The following ARHGEF11 variants were observed in gnomAD, a reference collection of about 807,000 sequenced individuals.
ARHGEF11 encodes the protein Rho guanine nucleotide exchange factor 11.
ARHGEF11 carries 55 observed loss-of-function variants against 193.7 expected under a neutral mutation model. The observed-to-expected ratio is 0.28, with a 90% CI of 0.23 to 0.36. ARHGEF11 has a LOEUF of 0.36. ARHGEF11 is among the 10% of genes least tolerant of loss of function. ARHGEF11 has a pLI of 1.00. For missense variants in ARHGEF11, 1,723 were observed against 2,005.6 expected, an observed-to-expected ratio of 0.86 and a Z score of 2.69; for synonymous variants, 693 against 768.0, an observed-to-expected ratio of 0.90 and a Z score of 1.62.
chr1:156,939,339 A>G (rs1240187084), intron 37 of ARHGEF11: 9 of 644,444 alleles, frequency 1.4e-5, no homozygotes, highest in Non-Finnish European at 2.1e-5. Context: ...CCACACAGAT[A>G]TTAAGTGGCA....
intron 7 of ARHGEF11, among the ~76,000 whole-genome samples, chr1:156,972,896 T>G (rs1225558192): frequency 6.6e-6 from 1 of 152,218 alleles, no homozygotes; most frequent in Non-Finnish European, 1.5e-5. Context: ...GTCTCCTTTT[T>G]CCAATGGCTC....
rs1288624285 is a variant in ARHGEF11, at chr1:156,971,689, T to A, written c.702+8A>T. ...TGCCCTTACTAGAGCTGTGCCTACA[T>A]CACTCACCACTGAGCCACCAGTCTC... On this transcript the variant is annotated splice_region_variant and intron_variant, in intron 8 of 40. Transcript: ENST00000368194. 6.2e-7 allele frequency: 1 copy of A among 1,613,300 alleles called. No individual in the cohort carries two copies. Among genetic ancestry groups the A allele is most frequent in the South Asian group, 1.1e-5 (1 of 90,980 alleles).
intron 1 of ARHGEF11, among the ~76,000 whole-genome samples, chr1:156,991,449 A>G (rs1665682289): frequency 6.6e-6 from 1 of 151,984 alleles, no homozygotes; most frequent in African/African-American, 2.4e-5. Flanking sequence ...CCTCCCAAGT[A>G]GCTGGGATTA....
intron 1 of ARHGEF11, among the ~76,000 whole-genome samples, chr1:157,037,262 T>TGA (rs1672159644): frequency 6.6e-6 from 1 of 152,208 alleles, no homozygotes; most frequent in Non-Finnish European, 1.5e-5. Context: ...GCTCGTTATC[T>TGA]TTTCCTAAGA....
intron 8 of ARHGEF11, 107 bp from the exon 9 acceptor site, chr1:156,970,150 G>A (rs1021413947): frequency 1.1e-5 from 10 of 905,908 alleles, no homozygotes; most frequent in East Asian, 2.4e-5. Flanking sequence ...GGCCTCTTCC[G>A]CTTCATTGCC....
At chr1:156,965,000 A>C (rs1363627392) in intron 11 of ARHGEF11, among the ~76,000 whole-genome samples, 3 of 152,254 alleles carry the variant, frequency 2.0e-5, no homozygotes, top group Admixed American at 6.5e-5. Flanking sequence ...CAAATGTTAT[A>C]GAATGACATA....
intron 25 of ARHGEF11, 146 bp from the exon 26 acceptor site, chr1:156,947,596 T>C (rs1174135298): frequency 3.7e-6 from 5 of 1,343,428 alleles, no homozygotes; most frequent in East Asian, 2.5e-5. Flanking sequence ...ACTTTTCTCT[T>C]ACTCCAAGGG....
At position 156,940,230 on chromosome 1, in the gene ARHGEF11, A is replaced by C. The variant is rs1385802093; in HGVS notation, c.3710T>G (p.Leu1237Arg). 1 of 1,595,682 alleles carries C rather than the reference A, an allele frequency of 6.3e-7. No homozygotes were observed. Among genetic ancestry groups the C allele is most frequent in the Non-Finnish European group, 8.6e-7 (1 of 1,167,944 alleles). The change falls in exon 36 of 41, where the codon CTC becomes CGC. Residue 1237 changes from leucine to arginine, a missense_variant. This residue lies in a region of ARHGEF11 where 203 missense variants were observed against 237.3 expected (regional missense o/e 0.86). Coordinates refer to ENST00000368194, the MANE Select transcript of ARHGEF11 (RefSeq NM_198236.3). ...ACCATCTTCCAGAGCGGAGTCAGCG[A>C]GCCCTTCCATGAACAGAGGGCCTGG... ...AFPGPLFMEG[L>R]ADSALEDVEN...
chr1:156,946,429 G>A (rs139628382), intron 28 of ARHGEF11, among the ~76,000 whole-genome samples: 35 of 152,350 alleles, frequency 2.3e-4, no homozygotes, highest in Non-Finnish European at 4.4e-4. Context: ...ATCCATCTCA[G>A]GACACACAGG....
chr1:156,963,259 C>G lies in ARHGEF11; in HGVS notation c.1084G>C (p.Ala362Pro). 1 of 1,614,184 alleles carries G rather than the reference C, an allele frequency of 6.2e-7. No homozygotes were observed. The highest frequency in any genetic ancestry group is 8.5e-7 in the Non-Finnish European group (1 of 1,180,038). The change falls in exon 13 of 41, where the codon GCT (alanine) becomes CCT (proline). Residue 362 changes from alanine (A) to proline (P), a missense_variant. By Grantham distance (27) the Ala-to-Pro change is conservative. Coordinates refer to ENST00000368194, the MANE Select transcript of ARHGEF11 (RefSeq NM_198236.3). ...TAACGTAGAAAAACCCCCAGGTGAGCTGGCCGAGACTTCAGTTTCTCCAGA... is the reference window on the plus strand; with the variant it reads ...TAACGTAGAAAAACCCCCAGGTGAGGTGGCCGAGACTTCAGTTTCTCCAGA... The part of the protein sequence containing the change: ...QDLEKLKSRP[A>P]HLGVFLRYIF...
At chr1:156,991,463 G>C (rs959814519) in intron 1 of ARHGEF11, among the ~76,000 whole-genome samples, 2 of 152,048 alleles carry the variant, frequency 1.3e-5, no homozygotes, top group Admixed American at 6.5e-5. Flanking sequence ...GGGATTACAG[G>C]CACACACCAC....
chr1:156,993,272 TG>T (rs1229003057), intron 1 of ARHGEF11, among the ~76,000 whole-genome samples: 1 of 152,234 alleles, frequency 6.6e-6, no homozygotes, highest in Non-Finnish European at 1.5e-5. Flanking sequence ...TAGATTTGTT[TG>T]GTCTTTATTT....
In ARHGEF11 at chr1:156,951,539, G is replaced by A. The variant is rs777488914; in HGVS notation, c.1925+34C>T. 3.5e-5 allele frequency: 57 copies of A among 1,611,594 alleles called. 1 individual carries two copies. Among genetic ancestry groups the A allele is most frequent in the East Asian group, 1.1e-4 (5 of 44,868 alleles). ...CAGCCCTGCCCATGACCCACTCTTC[G>A]AGCAGCTGGCGAGTCCCATCCAGCC... On this transcript the variant is annotated intron_variant, in intron 22 of 40. Coordinates refer to ENST00000368194, the MANE Select transcript of ARHGEF11 (RefSeq NM_198236.3).
At chr1:157,029,753 G>A (rs1044494545) in intron 1 of ARHGEF11, among the ~76,000 whole-genome samples, 1 of 152,158 alleles carries the variant, frequency 6.6e-6, no homozygotes, top group Admixed American at 6.5e-5. Context: ...AAATGTCCAT[G>A]AACTGATAAA....
At chr1:156,995,166 G>A (rs535067809) in intron 1 of ARHGEF11, among the ~76,000 whole-genome samples, 1 of 152,284 alleles carries the variant, frequency 6.6e-6, no homozygotes, top group African/African-American at 2.4e-5. Context: ...GCCTCCCCAT[G>A]TCTACTCTAG....
chr1:156,999,478 T>C (rs1258139719), intron 1 of ARHGEF11, among the ~76,000 whole-genome samples: 1 of 152,018 alleles, frequency 6.6e-6, no homozygotes, highest in Non-Finnish European at 1.5e-5. Context: ...GCGTATCAGG[T>C]CTTGCACCCA....
chr1:157,008,433 C>CACAT (rs1668153301), intron 1 of ARHGEF11, among the ~76,000 whole-genome samples: 1 of 145,132 alleles, frequency 6.9e-6, no homozygotes, highest in Non-Finnish European at 1.5e-5. Context: ...CACACACACA[C>CACAT]GAAAGGCTAT....
chr1:156,989,977 T>TA (rs1338200880), intron 1 of ARHGEF11, among the ~76,000 whole-genome samples: 2 of 152,164 alleles, frequency 1.3e-5, no homozygotes. Flanking sequence ...CACAATGCCA[T>TA]CAGCACACCC....
In ARHGEF11 at chr1:156,946,747, G is replaced by A; in HGVS notation, c.2609C>T (p.Ala870Val). The A allele has an allele frequency of 3.1e-6, 5 of 1,614,214 alleles. No homozygotes were observed. Among genetic ancestry groups the A allele is most frequent in the Non-Finnish European group, 4.2e-6 (5 of 1,180,040 alleles). Reference protein sequence around the residue: ...PAREELQQVAAQFCSYQSIAL... With the variant: ...PAREELQQVAVQFCSYQSIAL... Reference sequence around the variant, plus strand: ...TATTGACTGATAGGAACAGAACTGTGCAGCCACTTGCTGGAGTTCCTCTCG... The same window carrying A: ...TATTGACTGATAGGAACAGAACTGTACAGCCACTTGCTGGAGTTCCTCTCG... The change falls in exon 28 of 41, where the codon GCA becomes GTA. Residue 870 changes from alanine to valine, a missense_variant. Around this residue, in one of 5 missense-constraint regions of ARHGEF11, gnomAD observed 491 missense variants for 654.5 expected, o/e 0.75. Coordinates refer to ENST00000368194, the MANE Select transcript of ARHGEF11 (RefSeq NM_198236.3).
Sources: allele counts gnomAD v4.1 joint callset (sites outside exome capture counted in the v4.1 genomes callset), GRCh38; gene constraint gnomAD v4.1.1; regional missense constraint gnomAD v4.1.1; transcripts MANE v1.5; gene names NCBI Gene and HGNC (gene_info 2026-07-23, HGNC 2026-07-21).